DAP: variants seen among roughly 807,000 people sequenced by gnomAD.
DAP encodes death associated protein.
Under a neutral mutation model 13.8 loss-of-function variants are expected in DAP, and 8 were observed. The ratio of observed to expected loss-of-function variants is 0.58; its 90% CI spans 0.34 to 1.05. The LOEUF (loss-of-function observed/expected upper bound fraction) is 1.05, where lower values mean the gene tolerates loss of function less well. Ranked by LOEUF, DAP falls within the 50% of genes least tolerant of loss-of-function variation. DAP has a pLI of 0.03. For missense variants in DAP, 106 were observed against 133.2 expected, an observed-to-expected ratio of 0.80 and a Z score of 1.01; for synonymous variants, 47 against 47.5, an observed-to-expected ratio of 0.99 and a Z score of 0.04.
chr5:10,760,069 T>C (rs1424578713), intron 1 of DAP, among the ~76,000 whole-genome samples: 2 of 152,132 alleles, frequency 1.3e-5, no homozygotes, highest in South Asian at 2.1e-4. Flanking sequence ...ATCTTTATTG[T>C]CAAGAAAATG....
At chr5:10,711,550 C>A (rs3797127) in intron 2 of DAP, among the ~76,000 whole-genome samples, 2 of 152,206 alleles carry the variant, frequency 1.3e-5, no homozygotes, top group South Asian at 2.1e-4. Flanking sequence ...ATAACTTCTA[C>A]GCTCTCTTAC....
In DAP at chr5:10,761,060, C is replaced by T; in HGVS notation, c.9G>A (p.Ser3=). 1 of 1,223,118 alleles carries T rather than the reference C, an allele frequency of 8.2e-7. No homozygotes were observed. Among genetic ancestry groups the T allele is most frequent in the Non-Finnish European group, 1.0e-6 (1 of 971,046 alleles). 75.8% of individuals were successfully genotyped at this position (1,223,118 alleles called of 1,614,324 possible). Residue 3 remains serine (S), a synonymous_variant, in exon 1 of 4, where the codon TCG becomes TCA. Coordinates refer to ENST00000230895, the MANE Select transcript of DAP (RefSeq NM_004394.3). ...TAGTCTCTAGTTTCCCTTCGGGAGG[C>T]GAAGACATGACGCGGCGGGGCTTCC... MS[S]PPEGKLETKA... is the part of the protein sequence containing the mutation.
intron 1 of DAP, among the ~76,000 whole-genome samples, chr5:10,752,721 T>A (rs1255535692): frequency 6.6e-6 from 1 of 152,182 alleles, no homozygotes; most frequent in Non-Finnish European, 1.5e-5. Context: ...TGTGGCTGTG[T>A]GTGGGCAAGT....
At chr5:10,710,818 G>A (rs182782492) in intron 2 of DAP, among the ~76,000 whole-genome samples, 103 of 152,318 alleles carry the variant, frequency 6.8e-4, no homozygotes, top group African/African-American at 2.3e-3. Context: ...AAAGGGAGGG[G>A]CAAATGGAAT....
At chr5:10,730,616 G>T (rs1252344628) in intron 2 of DAP, among the ~76,000 whole-genome samples, 2 of 137,422 alleles carry the variant, frequency 1.5e-5, no homozygotes, top group South Asian at 4.8e-4. Context: ...CGGGTCGGGG[G>T]GAATCTTTCT....
chr5:10,761,015 G>A lies in DAP; in HGVS notation c.54C>T (p.Ala18=). The change falls in exon 1 of 4, where the codon GCC becomes GCT. Residue 18 remains alanine (A), a splice_region_variant and synonymous_variant. Transcript: ENST00000230895. The part of the protein sequence containing the change: ...KLETKAGHPP[A]VKAGGMRIVQ... ...GAGAGAGAGGAAAAGAGTCAGTACC[G>A]GCGGGCGGGTGTCCAGCTTTAGTCT... 3 of 1,211,002 alleles carry A rather than the reference G, an allele frequency of 2.5e-6. No homozygotes were observed. The highest frequency in any genetic ancestry group is 3.1e-6 in the Non-Finnish European group (3 of 963,494). 75.0% of individuals were successfully genotyped at this position (1,211,002 alleles called of 1,614,324 possible).
chr5:10,721,713 A>C (rs548073850), intron 2 of DAP, among the ~76,000 whole-genome samples: 1 of 152,342 alleles, frequency 6.6e-6, no homozygotes, highest in South Asian at 2.1e-4. Context: ...GCTGAAGGCA[A>C]AGGGAATACA....
rs1171172629 is a variant in DAP, at chr5:10,707,628, T to G, written c.153-24057A>C. ...GCAGTGTGGTGCACAGGCGGCGTGA[T>G]GTACAGGTGGTGTGATGCACGGGTG... On this transcript the variant is annotated intron_variant, in intron 2 of 3. Coordinates refer to ENST00000230895, the MANE Select transcript of DAP (RefSeq NM_004394.3). This position sits in a 1 kb window ranked among gnomAD's most constrained non-coding sequence, Gnocchi z 4.0. Among the ~76,000 whole-genome samples the G allele has an allele frequency of 6.6e-6, 1 of 150,472 alleles. No individual in the cohort carries two copies. Among genetic ancestry groups the G allele is most frequent in the East Asian group, 2.0e-4 (1 of 5,108 alleles).
Position 10,680,976 on chromosome 5 carries a change from GA to G in DAP, c.*79del, listed in dbSNP as rs1204014140. ...TTTCCCAGCAGAGTAGGATTTGGGC[GA>G]AACTGCTGGTTCTCTCTGTCAGGGA... On this transcript the variant is annotated 3_prime_UTR_variant, in exon 4 of 4. Transcript: ENST00000230895. The G allele has an allele frequency of 2.6e-6, 4 of 1,546,400 alleles. No homozygotes were observed. The highest frequency in any genetic ancestry group is 3.5e-6 in the Non-Finnish European group (4 of 1,147,202).
intron 2 of DAP, among the ~76,000 whole-genome samples, chr5:10,730,241 G>A (rs531649716): frequency 1.3e-5 from 2 of 152,364 alleles, no homozygotes; most frequent in East Asian, 3.9e-4. Flanking sequence ...ACCTGGCACA[G>A]ACGAGGCACT....
intron 2 of DAP, among the ~76,000 whole-genome samples, chr5:10,717,342 G>A (rs984824732): frequency 4.6e-5 from 7 of 152,172 alleles, no homozygotes; most frequent in South Asian, 4.1e-4. Flanking sequence ...CAAAAGGTTC[G>A]TGCACAGCCT....
intron 2 of DAP, among the ~76,000 whole-genome samples, chr5:10,739,989 C>G (rs978849800): frequency 2.0e-5 from 3 of 152,126 alleles, no homozygotes; most frequent in Admixed American, 1.3e-4. Flanking sequence ...TGTAAAGAAA[C>G]AAACAGTTAA....
intron 2 of DAP, among the ~76,000 whole-genome samples, chr5:10,709,058 T>C (rs897326383): frequency 7.9e-5 from 12 of 152,376 alleles, no homozygotes; most frequent in Admixed American, 7.8e-4. Context: ...ACATCTCCTC[T>C]ACGAGGAATT....
In DAP at chr5:10,680,146, T is replaced by C. The variant is rs528931659; in HGVS notation, c.*910A>G. ...AGGTTTTTCTAGCACAAATGGAATG[T>C]GGTGTCTCATGTCCCTAGGGAGACA... On this transcript the variant is annotated 3_prime_UTR_variant, in exon 4 of 4. Transcript: ENST00000230895. 2.6e-5 allele frequency: 4 copies of C among 153,626 alleles called. No homozygotes were observed. The highest frequency in any genetic ancestry group is 1.9e-4 in the East Asian group (1 of 5,348). The allele number at this position is 153,626 out of a possible 1,614,324, so 9.5% of individuals were successfully genotyped here. A position where few individuals can be genotyped will look rare whatever the true frequency, so the allele number is the denominator to read the frequency against.
At chr5:10,690,754 A>G (rs916279027) in intron 2 of DAP, among the ~76,000 whole-genome samples, 1 of 152,220 alleles carries the variant, frequency 6.6e-6, no homozygotes, top group African/African-American at 2.4e-5. Context: ...GGGTGTATAA[A>G]TATGTGCTCG....
intron 2 of DAP, among the ~76,000 whole-genome samples, chr5:10,687,317 T>G (rs1738180146): frequency 6.6e-6 from 1 of 152,200 alleles, no homozygotes; most frequent in African/African-American, 2.4e-5. Flanking sequence ...TCTTATTATT[T>G]AAGAAATAAG....
chr5:10,713,127 G>T (rs887006741), intron 2 of DAP, among the ~76,000 whole-genome samples: 3 of 152,166 alleles, frequency 2.0e-5, no homozygotes, highest in African/African-American at 7.2e-5. Flanking sequence ...GCCCTCTCAG[G>T]ATGAACTCCA....
Position 10,679,323 on chromosome 5 carries a change from G to T in DAP, c.*1733C>A, listed in dbSNP as rs1440280146. The T allele has an allele frequency of 6.6e-6, 1 of 152,348 alleles. No individual in the cohort carries two copies. The highest frequency in any genetic ancestry group is 2.1e-4 in the South Asian group (1 of 4,830). 9.4% of individuals were successfully genotyped at this position (152,348 alleles called of 1,614,324 possible). ...TTTAGGCAAACATTTTGGATTTAAT[G>T]ATCTAAAGCTCACAGATGCATGCCA... On this transcript the variant is annotated 3_prime_UTR_variant, in exon 4 of 4. Transcript: ENST00000230895.
chr5:10,724,213 C>T (rs1480718995), intron 2 of DAP, among the ~76,000 whole-genome samples: 4 of 152,216 alleles, frequency 2.6e-5, no homozygotes, highest in Non-Finnish European at 5.9e-5. Flanking sequence ...CAAAGGAATG[C>T]AGATGGCCTC....
Sources: allele counts gnomAD v4.1 joint callset (sites outside exome capture counted in the v4.1 genomes callset), GRCh38; gene constraint gnomAD v4.1.1; non-coding constraint Gnocchi (gnomAD v3.1); transcripts MANE v1.5; gene names NCBI Gene and HGNC (gene_info 2026-07-23, HGNC 2026-07-21).